The following FRG1 variants were observed in gnomAD, a reference collection of about 807,000 sequenced individuals.
FRG1 encodes the protein protein FRG1.
In FRG1, 19 loss-of-function variants were observed where a neutral mutation model predicts 37.0. The observed-to-expected ratio is 0.51, with a 90% CI of 0.36 to 0.75. The LOEUF is 0.75. Among genes scored for constraint, FRG1 ranks in the 30% least tolerant of loss-of-function variants. FRG1 has a pLI of 0.00. For synonymous variants in FRG1, 73 were observed against 96.5 expected (o/e 0.76, Z 1.43); for missense variants, 243 against 301.4 (o/e 0.81, Z 1.44).
At chr4:189,961,749 A>G (rs1177697415) in intron 7 of FRG1, 73 bp from the exon 8 acceptor site, 3 of 676,914 alleles carry the variant, frequency 4.4e-6, no homozygotes, top group Non-Finnish European at 7.6e-6. Flanking sequence ...AATTAACAGT[A>G]TTTATAAATT....
intron 7 of FRG1, 23 bp from the exon 8 acceptor site, chr4:189,961,799 C>T (rs1301248436): frequency 1.0e-6 from 1 of 961,020 alleles, no homozygotes; most frequent in Non-Finnish European, 1.6e-6. Flanking sequence ...AGGTATTTTT[C>T]AATGAAGACA....
intron 6 of FRG1, among the ~76,000 whole-genome samples, chr4:189,958,259 A>G (rs1737073365): frequency 6.6e-6 from 1 of 152,188 alleles, no homozygotes; most frequent in Admixed American, 6.5e-5. Context: ...GCTGCAGTAC[A>G]TAACATTGAA....
chr4:189,941,141 T>C, intron 1 of FRG1, 70 bp downstream of exon 1: 2 of 1,361,688 alleles, frequency 1.5e-6, no homozygotes, highest in South Asian at 1.2e-5. Flanking sequence ...GCAACTCCGG[T>C]GGAAGCCGTG....
chr4:189,941,717 T>TA, intron 1 of FRG1: 2 of 272,718 alleles, frequency 7.3e-6, no homozygotes, highest in South Asian at 6.3e-5. Context: ...TGAGAGAACA[T>TA]ATATGCAGAA....
At chr4:189,941,302 C>G (rs1240811293) in intron 1 of FRG1, among the ~76,000 whole-genome samples, 1 of 152,158 alleles carries the variant, frequency 6.6e-6, no homozygotes, top group Non-Finnish European at 1.5e-5. Context: ...GGCAGGTGAC[C>G]CGTGACCCCG....
intron 5 of FRG1, 93 bp downstream of exon 5, chr4:189,955,244 G>T: frequency 1.4e-6 from 1 of 722,426 alleles, no homozygotes; most frequent in Non-Finnish European, 2.4e-6. Context: ...GAAAAAGTAG[G>T]ATGCAATAGT....
In FRG1 at chr4:189,954,960, T is replaced by C. The variant is rs954627008; in HGVS notation, c.318-77T>C. On this transcript the variant is annotated intron_variant, in intron 4 of 8. Transcript: ENST00000226798. ...TTAGATATGTACACAGCCACACACA[T>C]ACGCATGTCCTGTTTTGATGTCCTA... 6.0e-6 allele frequency: 5 copies of C among 830,050 alleles called. No individual in the cohort carries two copies. In the African/African-American group the frequency reaches 6.8e-5, roughly 11 times the overall value. The allele number at this position is 830,050 out of a possible 1,614,324, so 51.4% of individuals were successfully genotyped here.
intron 2 of FRG1, among the ~76,000 whole-genome samples, chr4:189,946,339 C>G (rs1032792430): frequency 4.7e-5 from 7 of 148,488 alleles, no homozygotes; most frequent in Non-Finnish European, 8.9e-5. Context: ...AAAAAAATCT[C>G]ATAATATTTC....
chr4:189,953,189 A>G (rs1736835205), intron 4 of FRG1, 64 bp downstream of exon 4: 1 of 1,490,568 alleles, frequency 6.7e-7, no homozygotes, highest in Non-Finnish European at 8.9e-7. Flanking sequence ...TATTCATTAA[A>G]AATTTTAGTA....
chr4:189,943,153 C>T (rs1332091294), intron 1 of FRG1, 49 bp from the exon 2 acceptor site: 6 of 1,479,376 alleles, frequency 4.1e-6, no homozygotes, highest in Middle Eastern at 1.8e-4. Flanking sequence ...CAATATTTAT[C>T]GTACAAATCA....
chr4:189,959,954 G>A, intron 6 of FRG1: 1 of 861,894 alleles, frequency 1.2e-6, no homozygotes, highest in Non-Finnish European at 1.4e-6. Context: ...CAGCCCTTCA[G>A]CTTTATGACC....
chr4:189,943,021 A>G (rs1358385821), intron 1 of FRG1, among the ~76,000 whole-genome samples, 181 bp from the exon 2 acceptor site: 2 of 152,192 alleles, frequency 1.3e-5, no homozygotes, highest in Non-Finnish European at 2.9e-5. Flanking sequence ...CTCTAACGTA[A>G]TATGTGCAAA....
At chr4:189,951,855 A>G (rs1446631682) in intron 2 of FRG1, among the ~76,000 whole-genome samples, 1 of 152,082 alleles carries the variant, frequency 6.6e-6, no homozygotes, top group Non-Finnish European at 1.5e-5. Context: ...ATGTTTTAAA[A>G]ACCTAATCCT....
chr4:189,958,573 T>C (rs1219834657), intron 6 of FRG1, among the ~76,000 whole-genome samples: 1 of 152,290 alleles, frequency 6.6e-6, no homozygotes, highest in Non-Finnish European at 1.5e-5. Flanking sequence ...AAGTTCCTTA[T>C]TCCAGGCTAA....
chr4:189,943,141 T>C, intron 1 of FRG1, 61 bp from the exon 2 acceptor site: 3 of 1,470,684 alleles, frequency 2.0e-6, no homozygotes, highest in Non-Finnish European at 2.8e-6. Flanking sequence ...GTTTCAATCT[T>C]ACAATATTTA....
At chr4:189,962,658 A>T (rs1737286440) in intron 8 of FRG1, among the ~76,000 whole-genome samples, 1 of 152,144 alleles carries the variant, frequency 6.6e-6, no homozygotes, top group African/African-American at 2.4e-5. Flanking sequence ...AATGTTAAGA[A>T]TTTTTTCCAG....
intron 8 of FRG1, among the ~76,000 whole-genome samples, chr4:189,962,460 C>T (rs540479262): frequency 1.2e-4 from 18 of 152,074 alleles, no homozygotes; most frequent in African/African-American, 2.2e-4. Context: ...AAAACAGAGA[C>T]GTTTAGCTGT....
chr4:189,955,124 A>G lies in FRG1; in HGVS notation c.405A>G (p.Arg135=), dbSNP rs754557262. The change falls in exon 5 of 9, where the codon AGA becomes AGG. Residue 135 remains arginine, a synonymous_variant. Coordinates refer to ENST00000226798, the MANE Select transcript of FRG1 (RefSeq NM_004477.3). ...GGCGTTCAGATGCAATTGGACCAAGAGAACAATGGGAACCAGTCTTTCAAA... is the reference window on the plus strand; with the variant it reads ...GGCGTTCAGATGCAATTGGACCAAGGGAACAATGGGAACCAGTCTTTCAAA... ...VVGRSDAIGP[R]EQWEPVFQNG... 234 of 1,612,166 alleles carry G rather than the reference A, an allele frequency of 1.5e-4. No homozygotes were observed. The highest frequency in any genetic ancestry group is 1.9e-4 in the Non-Finnish European group (224 of 1,178,378).
At chr4:189,941,434 C>T (rs114265068) in intron 1 of FRG1, among the ~76,000 whole-genome samples, 2,408 of 152,314 alleles carry the variant, frequency 0.016, 55 homozygotes, top group African/African-American at 0.055. Context: ...TCTCCATTGT[C>T]TCTTTTCTTT....
Sources: gnomAD v4.1 joint callset for allele counts (sites outside exome capture counted in the v4.1 genomes callset) on GRCh38, gnomAD v4.1.1 for gene constraint, MANE v1.5 for transcripts, NCBI Gene and HGNC (gene_info 2026-07-23, HGNC 2026-07-21) for gene names.